The following DSE variants were observed in gnomAD, a reference collection of about 807,000 sequenced individuals.
DSE encodes dermatan sulfate epimerase.
DSE carries 36 observed loss-of-function variants against 84.4 expected under a neutral mutation model. That is an observed-to-expected ratio of 0.43 (90% CI 0.33 to 0.56). The LOEUF is 0.56. Among genes scored for constraint, DSE ranks in the 20% least tolerant of loss-of-function variants. The pLI, the probability that DSE is intolerant of heterozygous loss-of-function variation, is 0.06. For missense variants in DSE, 862 were observed against 1,169.6 expected, an observed-to-expected ratio of 0.74 and a Z score of 3.84; for synonymous variants, 410 against 430.1, an observed-to-expected ratio of 0.95 and a Z score of 0.58.
intron 2 of DSE, among the ~76,000 whole-genome samples, chr6:116,362,438 A>C: frequency 6.6e-6 from 1 of 152,236 alleles, no homozygotes; most frequent in East Asian, 1.9e-4. Flanking sequence ...TAGAGCTTTT[A>C]GGATTAAAGA....
chr6:116,272,631 C>T (rs1043174224), intron 2 of DSE, among the ~76,000 whole-genome samples: 1 of 152,140 alleles, frequency 6.6e-6, no homozygotes, highest in African/African-American at 2.4e-5. Context: ...TATGTATTCC[C>T]TAACTTAAGG....
At chr6:116,337,112 C>A (rs1308030097) in intron 2 of DSE, among the ~76,000 whole-genome samples, 2 of 152,114 alleles carry the variant, frequency 1.3e-5, no homozygotes, top group Non-Finnish European at 2.9e-5. Flanking sequence ...ATAAGAAACA[C>A]AAAGCACAAA....
At chr6:116,326,891 A>C (rs1180900740) in intron 2 of DSE, among the ~76,000 whole-genome samples, 5 of 152,172 alleles carry the variant, frequency 3.3e-5, no homozygotes, top group African/African-American at 1.2e-4. Flanking sequence ...GGGAATGCCT[A>C]AGTTAAAAAT....
chr6:116,437,392 A>G lies in DSE; in HGVS notation c.*47A>G, dbSNP rs1341111765. The G allele has an allele frequency of 3.5e-6, 5 of 1,437,806 alleles. No homozygotes were observed. In the African/African-American group the frequency reaches 4.4e-5, roughly 13 times the overall value. The allele number at this position is 1,437,806 out of a possible 1,614,324, so 89.1% of individuals were successfully genotyped here. Reference sequence around the variant, plus strand: ...GGTCATTTTGTGATCACAAGAGTCTATGCAAAAAAAAAAATTTCTTTACCC... The same window carrying G: ...GGTCATTTTGTGATCACAAGAGTCTGTGCAAAAAAAAAAATTTCTTTACCC... On this transcript the variant is annotated 3_prime_UTR_variant, in exon 6 of 6. Transcript: ENST00000644252.
chr6:116,342,248 T>C (rs1777641655), intron 2 of DSE, among the ~76,000 whole-genome samples: 1 of 151,688 alleles, frequency 6.6e-6, no homozygotes, highest in Non-Finnish European at 1.5e-5. Context: ...GATTCTAATT[T>C]TTTTTAACTT....
intron 2 of DSE, among the ~76,000 whole-genome samples, chr6:116,415,731 GCTT>G (rs1405546433): frequency 1.3e-5 from 2 of 151,606 alleles, no homozygotes; most frequent in Non-Finnish European, 2.9e-5. Context: ...CATTTCAAGA[GCTT>G]CTTTTGTCTT....
chr6:116,266,884 T>G (rs1434098201), intron 2 of DSE, among the ~76,000 whole-genome samples: 1 of 152,228 alleles, frequency 6.6e-6, no homozygotes, highest in Non-Finnish European at 1.5e-5. Context: ...GAAATACTCA[T>G]GTGCCACATA....
At chr6:116,337,046 T>C (rs1392463705) in intron 2 of DSE, among the ~76,000 whole-genome samples, 2 of 152,234 alleles carry the variant, frequency 1.3e-5, no homozygotes, top group African/African-American at 4.8e-5. Flanking sequence ...TCTCTTTTAA[T>C]GCAATAATCC....
chr6:116,426,319 G>A (rs1783450698), intron 2 of DSE, among the ~76,000 whole-genome samples: 1 of 152,136 alleles, frequency 6.6e-6, no homozygotes, highest in Non-Finnish European at 1.5e-5. Context: ...CTTGTCATGA[G>A]TAAAAAAAGT....
chr6:116,410,187 T>TA (rs1398120968), intron 2 of DSE, among the ~76,000 whole-genome samples: 1 of 152,202 alleles, frequency 6.6e-6, no homozygotes, highest in East Asian at 1.9e-4. Flanking sequence ...GTGTAGCTGA[T>TA]AAAGTATTTT....
chr6:116,298,941 T>C (rs1441975156), intron 2 of DSE, among the ~76,000 whole-genome samples: 4 of 152,214 alleles, frequency 2.6e-5, no homozygotes, highest in African/African-American at 7.2e-5. Context: ...TACATTATCT[T>C]GTTCTTTTGA....
At chr6:116,418,124 C>T (rs1782835457) in intron 2 of DSE, among the ~76,000 whole-genome samples, 1 of 152,000 alleles carries the variant, frequency 6.6e-6, no homozygotes, top group Non-Finnish European at 1.5e-5. Flanking sequence ...AGAATTCTAT[C>T]CTCCCACAGA....
intron 2 of DSE, among the ~76,000 whole-genome samples, chr6:116,312,568 A>T (rs1488042895): frequency 1.3e-5 from 2 of 152,206 alleles, no homozygotes; most frequent in Admixed American, 6.5e-5. Flanking sequence ...ATAAGGGCTT[A>T]AGAAGAAATT....
intron 2 of DSE, among the ~76,000 whole-genome samples, chr6:116,364,469 G>A (rs755120777): frequency 3.3e-5 from 5 of 152,148 alleles, no homozygotes; most frequent in Admixed American, 6.5e-5. Flanking sequence ...TGCCTGACAC[G>A]GGTAATCTCA....
At chr6:116,398,887 G>A (rs985807366) in intron 1 of DSE, among the ~76,000 whole-genome samples, 1 of 152,124 alleles carries the variant, frequency 6.6e-6, no homozygotes, top group African/African-American at 2.4e-5. Flanking sequence ...ACCATGTGAT[G>A]TTTTTTGCAT....
chr6:116,403,836 T>C (rs1354970047), intron 2 of DSE, among the ~76,000 whole-genome samples: 1 of 152,214 alleles, frequency 6.6e-6, no homozygotes, highest in Non-Finnish European at 1.5e-5. Context: ...CCTTGCAGTG[T>C]ACGTATGATG....
chr6:116,385,199 A>G (rs888402963), intron 1 of DSE, among the ~76,000 whole-genome samples: 1 of 152,200 alleles, frequency 6.6e-6, no homozygotes, highest in African/African-American at 2.4e-5. Context: ...GCAGAGAGGC[A>G]GTATGGCCAG....
intron 1 of DSE, among the ~76,000 whole-genome samples, chr6:116,381,517 TG>T (rs1780223365): frequency 6.6e-6 from 1 of 152,296 alleles, no homozygotes; most frequent in African/African-American, 2.4e-5. Context: ...CCTGCATTTA[TG>T]TCTTGGCTTC....
intron 2 of DSE, among the ~76,000 whole-genome samples, chr6:116,324,082 TTAA>T (rs1440103797): frequency 1.3e-5 from 2 of 152,126 alleles, no homozygotes; most frequent in Non-Finnish European, 2.9e-5. Context: ...AATTCAGCAG[TTAA>T]TAGGTCCCCC....
Sources: allele counts gnomAD v4.1 joint callset (sites outside exome capture counted in the v4.1 genomes callset), GRCh38; gene constraint gnomAD v4.1.1; transcripts MANE v1.5; gene names NCBI Gene and HGNC (gene_info 2026-07-23, HGNC 2026-07-21).